Variants in KATNAL1 observed in about 807,000 individuals in gnomAD.
KATNAL1 encodes the protein katanin p60 ATPase-containing subunit A-like 1.
Under a neutral mutation model 55.2 loss-of-function variants are expected in KATNAL1, and 32 were observed. That is an observed-to-expected ratio of 0.58 (90% confidence interval 0.44 to 0.78). KATNAL1 has a LOEUF of 0.78. KATNAL1 is among the 30% of genes least tolerant of loss of function. The probability of loss-of-function intolerance (pLI) is 0.00; values close to 1 mark genes in which losing one functional copy is unlikely to be tolerated. For missense variants in KATNAL1, 466 were observed against 600.9 expected (o/e 0.78, Z 2.35); for synonymous variants, 193 against 193.6 (o/e 1.00, Z 0.02).
chr13:30,266,012 C>CAAAA (rs776557665), intron 3 of KATNAL1, among the ~76,000 whole-genome samples: 2 of 35,380 alleles, frequency 5.7e-5, no homozygotes, highest in African/African-American at 1.1e-4. Flanking sequence ...AACTCCATCT[C>CAAAA]AAAAAAAAAA....
rs781315623 is a variant in KATNAL1 at position 30,231,356 on chromosome 13, G to A, written c.843C>T (p.Tyr281=). The A allele has an allele frequency of 1.9e-6, 3 of 1,608,670 alleles. No homozygotes were observed. Among genetic ancestry groups the A allele is most frequent in the Non-Finnish European group, 8.5e-7 (1 of 1,177,434 alleles). The part of the protein sequence containing the change: ...NVSSSTLTSK[Y]RGESEKLVRL... Reference sequence around the variant, plus strand: ...GAACTAACTTCTCAGATTCACCTCTGTATTTAGATGTCAGTGTAGAAGACG... The same window carrying A: ...GAACTAACTTCTCAGATTCACCTCTATATTTAGATGTCAGTGTAGAAGACG... The change falls in exon 7 of 11, where the codon TAC becomes TAT. Residue 281 remains tyrosine (Y), a synonymous_variant. Transcript: ENST00000380615.
chr13:30,255,208 A>T (rs554597656), intron 4 of KATNAL1, among the ~76,000 whole-genome samples: 1 of 152,266 alleles, frequency 6.6e-6, no homozygotes, highest in Non-Finnish European at 1.5e-5. Flanking sequence ...CTTACAAGGG[A>T]TCCATTTCAC....
chr13:30,267,028 A>G (rs7335936), intron 3 of KATNAL1, among the ~76,000 whole-genome samples: 5,257 of 152,242 alleles, frequency 0.035, 102 homozygotes, highest in African/African-American at 0.051. Flanking sequence ...CATTCATTCA[A>G]TCATTTTGAG....
chr13:30,268,059 G>A (rs972283688), intron 3 of KATNAL1, among the ~76,000 whole-genome samples: 1 of 152,306 alleles, frequency 6.6e-6, no homozygotes, highest in Non-Finnish European at 1.5e-5. Flanking sequence ...TGAAGCGAAA[G>A]TGCCCCCTAG....
intron 1 of KATNAL1, among the ~76,000 whole-genome samples, chr13:30,291,289 C>A (rs1428836377): frequency 1.3e-5 from 2 of 152,002 alleles, no homozygotes; most frequent in Admixed American, 1.3e-4. Flanking sequence ...TTTCCACATA[C>A]AAGAAATAAC....
intron 3 of KATNAL1, among the ~76,000 whole-genome samples, chr13:30,259,703 A>T (rs1236379599): frequency 4.6e-5 from 7 of 152,184 alleles, no homozygotes; most frequent in Non-Finnish European, 7.4e-5. Flanking sequence ...TATATCCCGC[A>T]CCTGGCTCGG....
At chr13:30,219,398 A>G (rs1874625783) in intron 9 of KATNAL1, among the ~76,000 whole-genome samples, 1 of 152,170 alleles carries the variant, frequency 6.6e-6, no homozygotes. Context: ...AACTTCCTCC[A>G]TGAAGTCTCC....
At chr13:30,287,998 G>A (rs1881903460) in intron 1 of KATNAL1, among the ~76,000 whole-genome samples, 1 of 152,066 alleles carries the variant, frequency 6.6e-6, no homozygotes, top group South Asian at 2.1e-4. Context: ...CAATAACAGA[G>A]TACAACTTTC....
chr13:30,222,505 C>G (rs1448107283), intron 9 of KATNAL1, among the ~76,000 whole-genome samples: 1 of 152,178 alleles, frequency 6.6e-6, no homozygotes, highest in African/African-American at 2.4e-5. Context: ...CAAGGTCTCG[C>G]AGGAAGTCAC....
chr13:30,234,158 C>A (rs781345553), intron 6 of KATNAL1, among the ~76,000 whole-genome samples: 2 of 152,076 alleles, frequency 1.3e-5, no homozygotes, highest in African/African-American at 2.4e-5. Context: ...TAAATTATCA[C>A]GAGCCCCAAA....
intron 1 of KATNAL1, among the ~76,000 whole-genome samples, chr13:30,303,098 G>A (rs112699781): frequency 7.2e-5 from 11 of 152,270 alleles, no homozygotes; most frequent in African/African-American, 2.4e-4. Flanking sequence ...TGCCTAATAG[G>A]AGCTTTTACA....
At chr13:30,218,157 C>G (rs954442727) in intron 9 of KATNAL1, among the ~76,000 whole-genome samples, 1 of 149,464 alleles carries the variant, frequency 6.7e-6, no homozygotes, top group Non-Finnish European at 1.5e-5. Flanking sequence ...CTGATAGATG[C>G]AAATAGACAC....
intron 1 of KATNAL1, among the ~76,000 whole-genome samples, chr13:30,301,205 T>TA (rs1465450045): frequency 3.3e-5 from 5 of 152,056 alleles, no homozygotes; most frequent in South Asian, 2.1e-4. Flanking sequence ...CCGTCTCTAC[T>TA]AAAAAAGTAC....
At chr13:30,213,400 G>A (rs1873885667) in intron 9 of KATNAL1, among the ~76,000 whole-genome samples, 1 of 152,034 alleles carries the variant, frequency 6.6e-6, no homozygotes, top group Non-Finnish European at 1.5e-5. Flanking sequence ...AGAAAAAGAG[G>A]GAATCCTCCC....
Position 30,206,930 on chromosome 13 carries a change from A to G in KATNAL1, c.*1610T>C, listed in dbSNP as rs1185487622. Reference sequence around the variant, plus strand: ...GGCATCTTATAATCTGTGTCTCAGAAAGAAGGGCAATTTACAGCATCAGAT... The same window carrying G: ...GGCATCTTATAATCTGTGTCTCAGAGAGAAGGGCAATTTACAGCATCAGAT... On this transcript the variant is annotated 3_prime_UTR_variant, in exon 11 of 11. Transcript: ENST00000380615. 1 of 152,224 alleles carries G rather than the reference A, an allele frequency of 6.6e-6. No homozygotes were observed. Among genetic ancestry groups the G allele is most frequent in the Non-Finnish European group, 1.5e-5 (1 of 68,048 alleles). The allele number at this position is 152,224 out of a possible 1,614,324, so 9.4% of individuals were successfully genotyped here.
intron 3 of KATNAL1, among the ~76,000 whole-genome samples, chr13:30,265,967 G>A (rs1012941687): frequency 2.9e-5 from 4 of 136,218 alleles, no homozygotes; most frequent in Middle Eastern, 5.2e-3. Context: ...AGCCGAGTTT[G>A]TGCCACTGCA....
chr13:30,257,180 A>ATT (rs148127639), intron 3 of KATNAL1, among the ~76,000 whole-genome samples: 5 of 147,098 alleles, frequency 3.4e-5, no homozygotes, highest in Non-Finnish European at 6.0e-5. Flanking sequence ...TTTTGACCTA[A>ATT]TTTTTTTTTT....
In KATNAL1 at chr13:30,288,555, A is replaced by C. The variant is rs533979198; in HGVS notation, c.-14-4764T>G. 9.2e-5 allele frequency among the ~76,000 whole-genome samples: 14 copies of C among 152,336 alleles called. No individual in the cohort carries two copies. In the East Asian group the frequency reaches 2.7e-3, roughly 29 times the overall value. On this transcript the variant is annotated intron_variant, in intron 1 of 10. Coordinates refer to ENST00000380615, the MANE Select transcript of KATNAL1 (RefSeq NM_032116.5). Reference sequence around the variant, plus strand: ...TTCAAAGAATAGTGGTTGCCATTGAAATAACTTTACTGCAGTATTAGTTTT... The same window carrying C: ...TTCAAAGAATAGTGGTTGCCATTGACATAACTTTACTGCAGTATTAGTTTT...
chr13:30,250,415 T>TAC (rs1878188069), intron 4 of KATNAL1, among the ~76,000 whole-genome samples: 1 of 152,230 alleles, frequency 6.6e-6, no homozygotes, highest in Non-Finnish European at 1.5e-5. Context: ...TTAATGTGTA[T>TAC]ACACACATAC....
Sources: allele counts gnomAD v4.1 joint callset (sites outside exome capture counted in the v4.1 genomes callset), GRCh38; gene constraint gnomAD v4.1.1; transcripts MANE v1.5; gene names NCBI Gene and HGNC (gene_info 2026-07-23, HGNC 2026-07-21).